DIP2C: variants seen among roughly 807,000 people sequenced by gnomAD.
DIP2C encodes the protein DIP2 acetate--CoA ligase C (putative), also known as disco-interacting protein 2 homolog C.
In DIP2C, 33 loss-of-function variants were observed where a neutral mutation model predicts 192.4. The observed-to-expected ratio is 0.17, with a 90% CI of 0.13 to 0.23. The LOEUF (loss-of-function observed/expected upper bound fraction) is 0.23, where lower values mean the gene tolerates loss of function less well. Among genes scored for constraint, DIP2C ranks in the 10% least tolerant of loss-of-function variants. The pLI is 1.00. For synonymous variants in DIP2C, 979 were observed against 864.1 expected, an observed-to-expected ratio of 1.13 and a Z score of -2.33; for missense variants, 1,537 against 2,110.1, an observed-to-expected ratio of 0.73 and a Z score of 5.32.
intron 2 of DIP2C, among the ~76,000 whole-genome samples, chr10:479,429 G>C (rs1029189676): frequency 6.7e-5 from 10 of 150,338 alleles, no homozygotes; most frequent in African/African-American, 2.5e-4. Flanking sequence ...TGCCTCCCAG[G>C]TTCAAGTGAT....
intron 1 of DIP2C, among the ~76,000 whole-genome samples, chr10:558,428 G>A (rs1849023761): frequency 6.6e-6 from 1 of 152,166 alleles, no homozygotes; most frequent in African/African-American, 2.4e-5. Flanking sequence ...ATTCAGAAAT[G>A]CGTAAAGGAA....
Position 341,273 on chromosome 10 carries a change from A to C in DIP2C, c.3510T>G (p.Leu1170=), listed in dbSNP as rs764581330. ...AGATGGCCACTTCTCTAGAGGGGTAAAGTTCACACTGCAGCTTAATGGAAC... is the reference window on the plus strand; with the variant it reads ...AGATGGCCACTTCTCTAGAGGGGTACAGTTCACACTGCAGCTTAATGGAAC... ...FCRSIKLQCE[L]YPSREVAICL... The change falls in exon 29 of 37, where the codon CTT becomes CTG. Residue 1170 remains leucine, a synonymous_variant. Coordinates refer to ENST00000280886, the MANE Select transcript of DIP2C (RefSeq NM_014974.3). 4 of 1,614,180 alleles carry C rather than the reference A, an allele frequency of 2.5e-6. No individual in the cohort carries two copies. Among genetic ancestry groups the C allele is most frequent in the Non-Finnish European group, 3.4e-6 (4 of 1,180,044 alleles).
intron 3 of DIP2C, among the ~76,000 whole-genome samples, chr10:445,277 T>C (rs1229643756): frequency 2.0e-5 from 3 of 152,104 alleles, no homozygotes; most frequent in East Asian, 3.9e-4. Context: ...TATACAACTG[T>C]TGTGAAGAGT....
chr10:364,702 C>T (rs1959968012), intron 19 of DIP2C, 120 bp from the exon 20 acceptor site: 1 of 1,159,204 alleles, frequency 8.6e-7, no homozygotes, highest in South Asian at 1.5e-5. Context: ...CCCCAGCAAC[C>T]CTGCCCTAGG....
At chr10:377,109 T>C (rs1961693190) in intron 17 of DIP2C, among the ~76,000 whole-genome samples, 1 of 151,754 alleles carries the variant, frequency 6.6e-6, no homozygotes, top group South Asian at 2.1e-4. Flanking sequence ...GAGCTGCCCA[T>C]CTTTACTGCC....
At chr10:313,951 G>A (rs1490856296) in intron 31 of DIP2C, among the ~76,000 whole-genome samples, 1 of 152,176 alleles carries the variant, frequency 6.6e-6, no homozygotes, top group Non-Finnish European at 1.5e-5. Context: ...CCTGGTACTT[G>A]CACATAGGGC....
In DIP2C at chr10:288,148, G is replaced by A. The variant is rs559769456; in HGVS notation, c.4044+216C>T. 2.2e-3 allele frequency among the ~76,000 whole-genome samples: 328 copies of A among 152,334 alleles called. 3 individuals carry two copies. The highest frequency in any genetic ancestry group is 5.5e-3 in the Admixed American group (84 of 15,308). The stretch of plus-strand genomic sequence containing the variant: ...CACCAGGGCCTCTGCTGGCTTCATG[G>A]AGGAGGAGATGCCTATTTCCTAACT... On this transcript the variant is annotated intron_variant, in intron 33 of 36. Coordinates refer to ENST00000280886, the MANE Select transcript of DIP2C (RefSeq NM_014974.3).
chr10:550,836 C>G (rs1848546295), intron 1 of DIP2C, among the ~76,000 whole-genome samples: 1 of 152,240 alleles, frequency 6.6e-6, no homozygotes, highest in Non-Finnish European at 1.5e-5. Context: ...GCTCCATTCC[C>G]TCTGGGACCC....
chr10:415,861 G>A lies in DIP2C; in HGVS notation c.767C>T (p.Ala256Val). ...GGTATTGACAAGCTGCTGGATTTTTGCTGACACCCGGCTACTTACTGGTAC... is the reference window on the plus strand; with the variant it reads ...GGTATTGACAAGCTGCTGGATTTTTACTGACACCCGGCTACTTACTGGTAC... ...DGVPVSSRVSAKIQQLVNTLK... is the reference protein window; with the variant it reads ...DGVPVSSRVSVKIQQLVNTLK... The change falls in exon 7 of 37, where the codon GCA becomes GTA. Residue 256 changes from alanine (A) to valine (V), a missense_variant. By Grantham distance (64) the Ala-to-Val change is moderately conservative. Around this residue, in one of 4 missense-constraint regions of DIP2C, gnomAD observed 473 missense variants for 539.6 expected, o/e 0.88. Coordinates refer to ENST00000280886, the MANE Select transcript of DIP2C (RefSeq NM_014974.3). 6.2e-7 allele frequency: 1 copy of A among 1,612,922 alleles called. No homozygotes were observed. Among genetic ancestry groups the A allele is most frequent in the Non-Finnish European group, 8.5e-7 (1 of 1,179,582 alleles).
intron 4 of DIP2C, among the ~76,000 whole-genome samples, chr10:426,564 AAAAC>A (rs1659739413): frequency 6.6e-6 from 1 of 152,262 alleles, no homozygotes; most frequent in Non-Finnish European, 1.5e-5. Context: ...TTGAAAAAGG[AAAAC>A]AAAGTTGGAG....
intron 9 of DIP2C, among the ~76,000 whole-genome samples, chr10:408,013 G>T (rs930131986): frequency 2.6e-5 from 4 of 152,116 alleles, no homozygotes; most frequent in Admixed American, 6.6e-5. Context: ...GGGTCATGAG[G>T]TGTCTTCTCT....
intron 31 of DIP2C, among the ~76,000 whole-genome samples, chr10:326,234 T>G (rs1266302399): frequency 6.6e-6 from 1 of 152,050 alleles, no homozygotes; most frequent in Non-Finnish European, 1.5e-5. Flanking sequence ...TGCAGCTACT[T>G]TTTCTGAAGT....
At chr10:613,188 C>T (rs370043490) in intron 1 of DIP2C, among the ~76,000 whole-genome samples, 1 of 152,300 alleles carries the variant, frequency 6.6e-6, no homozygotes, top group East Asian at 1.9e-4. Context: ...TTTTAAAATT[C>T]AGATTTCTAA....
chr10:612,932 T>C (rs1421252323), intron 1 of DIP2C, among the ~76,000 whole-genome samples: 1 of 152,182 alleles, frequency 6.6e-6, no homozygotes, highest in African/African-American at 2.4e-5. Flanking sequence ...ATGTAAAATT[T>C]TAAGGGATCC....
chr10:302,534 TAC>T (rs1956101339), intron 32 of DIP2C, among the ~76,000 whole-genome samples: 1 of 152,112 alleles, frequency 6.6e-6, no homozygotes, highest in Non-Finnish European at 1.5e-5. Context: ...AGGTAAAAAG[TAC>T]AGTCATGTAC....
chr10:337,563 C>CACGTGTGT, intron 29 of DIP2C, among the ~76,000 whole-genome samples: 1 of 88,088 alleles, frequency 1.1e-5, no homozygotes. Context: ...TGTGTGTGTG[C>CACGTGTGT]TGTGGAGGCC....
intron 29 of DIP2C, among the ~76,000 whole-genome samples, chr10:335,095 T>G (rs973688601): frequency 1.1e-4 from 16 of 152,314 alleles, no homozygotes; most frequent in African/African-American, 3.6e-4. Flanking sequence ...ACACAATTTT[T>G]AAAAACAGGT....
chr10:357,694 G>A (rs1056631855), intron 23 of DIP2C, 134 bp downstream of exon 23: 8 of 637,160 alleles, frequency 1.3e-5, no homozygotes, highest in African/African-American at 3.6e-5. Context: ...GGACGGTTGC[G>A]GACAGTCAGA....
chr10:364,315 C>A, intron 20 of DIP2C, 59 bp downstream of exon 20: 1 of 1,561,582 alleles, frequency 6.4e-7, no homozygotes, highest in Admixed American at 1.8e-5. Context: ...CCCTTCAAAA[C>A]CACATAAAAA....
Sources: gnomAD v4.1 joint callset for allele counts (sites outside exome capture counted in the v4.1 genomes callset) on GRCh38, gnomAD v4.1.1 for gene constraint, gnomAD v4.1.1 regional missense constraint, MANE v1.5 for transcripts, NCBI Gene and HGNC (gene_info 2026-07-23, HGNC 2026-07-21) for gene names.